Variants in PDP1 observed in about 807,000 individuals in gnomAD.
PDP1 encodes the protein pyruvate dehyrogenase phosphatase catalytic subunit 1.
PDP1 carries 14 observed loss-of-function variants against 37.1 expected under a neutral mutation model. That is an observed-to-expected ratio of 0.38 (90% CI 0.25 to 0.59). The LOEUF is 0.59. Ranked by LOEUF, PDP1 falls within the 20% of genes least tolerant of loss-of-function variation. The probability of loss-of-function intolerance (pLI) is 0.67; values close to 1 mark genes in which losing one functional copy is unlikely to be tolerated. For missense variants in PDP1, 544 were observed against 655.3 expected (o/e 0.83, Z 1.85); for synonymous variants, 251 against 243.3 (o/e 1.03, Z -0.29).
chr8:93,917,388 A>G (rs941480674), intron 1 of PDP1, among the ~76,000 whole-genome samples: 8 of 151,726 alleles, frequency 5.3e-5, no homozygotes, highest in African/African-American at 1.9e-4. Flanking sequence ...AGCTCCAGGG[A>G]GGCTGTAGGG....
Position 93,923,489 on chromosome 8 carries a change from A to G in PDP1, c.1430A>G (p.Asn477Ser). Residue 477 changes from asparagine to serine, a missense_variant, in exon 2 of 2, where the codon AAC becomes AGC. By Grantham distance (46) the Asn-to-Ser change is conservative. This residue lies in a region of PDP1 where 159 missense variants were observed against 165.5 expected (regional missense o/e 0.96). Coordinates refer to ENST00000297598, the MANE Select transcript of PDP1 (RefSeq NM_018444.4). The surrounding 1 kb of genome is among the most constrained non-coding windows in gnomAD (Gnocchi z 4.3). Reference protein sequence around the residue: ...TKMSSVFEDQNAATHLIRHAV... With the variant: ...TKMSSVFEDQSAATHLIRHAV... Reference sequence around the variant, plus strand: ...ATGTCCTCGGTATTTGAGGATCAGAACGCAGCAACCCATCTCATTCGCCAC... The same window carrying G: ...ATGTCCTCGGTATTTGAGGATCAGAGCGCAGCAACCCATCTCATTCGCCAC... 1 of 1,605,002 alleles carries G rather than the reference A, an allele frequency of 6.2e-7. No homozygotes were observed.
At position 93,923,760 on chromosome 8, in the gene PDP1, C is replaced by T. The variant is rs1212037028; in HGVS notation, c.*87C>T. ...AAGATACTACTATAATAAACATTTC[C>T]AGTTGGTCATTCTAAGCATTTACCC... On this transcript the variant is annotated 3_prime_UTR_variant, in exon 2 of 2. Transcript: ENST00000297598. This position sits in a 1 kb window ranked among gnomAD's most constrained non-coding sequence, Gnocchi z 4.3. The T allele has an allele frequency of 1.8e-6, 2 of 1,112,438 alleles. No homozygotes were observed. Among genetic ancestry groups the T allele is most frequent in the Non-Finnish European group, 2.7e-6 (2 of 727,508 alleles). 68.9% of individuals were successfully genotyped at this position (1,112,438 alleles called of 1,614,324 possible).
At position 93,917,015 on chromosome 8, in the gene PDP1, G is replaced by C. The variant is rs775128777; in HGVS notation, c.-109G>C. 2 of 478,280 alleles carry C rather than the reference G, an allele frequency of 4.2e-6. No homozygotes were observed. The highest frequency in any genetic ancestry group is 1.5e-5 in the South Asian group (1 of 66,888). The allele number at this position is 478,280 out of a possible 1,614,324, so 29.6% of individuals were successfully genotyped here. A position where few individuals can be genotyped will look rare whatever the true frequency, so the allele number is the denominator to read the frequency against. On this transcript the variant is annotated 5_prime_UTR_variant, in exon 1 of 2. Coordinates refer to ENST00000297598, the MANE Select transcript of PDP1 (RefSeq NM_018444.4). ...CACGGGGCTGCGTGGAAAGAGCGCCGAGCGGTGGCGTCGTTGTCGCCCCCT... is the reference window on the plus strand; with the variant it reads ...CACGGGGCTGCGTGGAAAGAGCGCCCAGCGGTGGCGTCGTTGTCGCCCCCT...
rs1433367159 is a variant in PDP1, at chr8:93,925,289, A to AT, written c.*1622dup. On this transcript the variant is annotated 3_prime_UTR_variant, in exon 2 of 2. Coordinates refer to ENST00000297598, the MANE Select transcript of PDP1 (RefSeq NM_018444.4). ...CTGCTCAGAATATCATATAATGTTTATTTTTTGAGGTGTTTTTGTTTTTAT... is the reference window on the plus strand; with the variant it reads ...CTGCTCAGAATATCATATAATGTTTATTTTTTTGAGGTGTTTTTGTTTTTAT... The AT allele has an allele frequency of 2.5e-5, 4 of 160,634 alleles. No homozygotes were observed. Among genetic ancestry groups the AT allele is most frequent in the African/African-American group, 1.0e-4 (4 of 39,722 alleles). 10.0% of individuals were successfully genotyped at this position (160,634 alleles called of 1,614,324 possible).
intron 1 of PDP1, chr8:93,917,992 T>G: frequency 6.2e-7 from 1 of 1,609,786 alleles, no homozygotes; most frequent in Non-Finnish European, 8.5e-7. Flanking sequence ...GGAAGGATGG[T>G]GACAGATTTT....
chr8:93,924,192 A>G lies in PDP1; in HGVS notation c.*519A>G, dbSNP rs1324566563. 5.9e-6 allele frequency: 1 copy of G among 169,028 alleles called. No individual in the cohort carries two copies. The highest frequency in any genetic ancestry group is 1.4e-5 in the Non-Finnish European group (1 of 69,494). 10.5% of individuals were successfully genotyped at this position (169,028 alleles called of 1,614,324 possible). A position where few individuals can be genotyped will look rare whatever the true frequency, so the allele number is the denominator to read the frequency against. On this transcript the variant is annotated 3_prime_UTR_variant, in exon 2 of 2. Transcript: ENST00000297598. ...TCAAATCCAGTTCTTCAAGCCATAA[A>G]TGACCAAGATCCAAGCAATCTGAAT...
chr8:93,918,053 G>T, intron 1 of PDP1: 1 of 1,278,126 alleles, frequency 7.8e-7, no homozygotes, highest in Non-Finnish European at 1.1e-6. Flanking sequence ...GGATGAGATA[G>T]ATTGGAAAAA....
intron 1 of PDP1, among the ~76,000 whole-genome samples, chr8:93,919,357 A>G (rs1297994703): frequency 6.6e-6 from 1 of 152,176 alleles, no homozygotes; most frequent in Non-Finnish European, 1.5e-5. Context: ...GTGAAACCCC[A>G]TCTCTACTGA....
rs767674134 is a variant in PDP1 at position 93,923,326 on chromosome 8, A to G, written c.1267A>G (p.Thr423Ala). 2.6e-5 allele frequency: 42 copies of G among 1,614,130 alleles called. No individual in the cohort carries two copies. The highest frequency in any genetic ancestry group is 3.5e-5 in the Non-Finnish European group (41 of 1,180,008). The change falls in exon 2 of 2, where the codon ACT becomes GCT. Residue 423 changes from threonine to alanine, a missense_variant. Physicochemically the swap from Thr to Ala is moderately conservative, Grantham distance 58. Coordinates refer to ENST00000297598, the MANE Select transcript of PDP1 (RefSeq NM_018444.4). The surrounding 1 kb of genome is among the most constrained non-coding windows in gnomAD (Gnocchi z 4.3). ...GTTGGCTACTGATGGGTTGTGGGAG[A>G]CTATGCATAGGCAGGATGTGGTTAG... ...LVLATDGLWE[T>A]MHRQDVVRIV...
In PDP1 at chr8:93,917,979, C is replaced by T. The variant is rs1458729483; in HGVS notation, c.-45+900C>T. 4.3e-6 allele frequency: 7 copies of T among 1,612,084 alleles called. No individual in the cohort carries two copies. In the South Asian group the frequency reaches 7.7e-5, roughly 18 times the overall value. ...TCACTTAACTACCTGCGTTGGGTAC[C>T]CAGGAAGGATGGTGACAGATTTTTG... On this transcript the variant is annotated intron_variant, in intron 1 of 1. Transcript: ENST00000297598.
At position 93,916,927 on chromosome 8, in the gene PDP1, G is replaced by A. The variant is rs1039498506; in HGVS notation, c.-197G>A. On this transcript the variant is annotated 5_prime_UTR_variant, in exon 1 of 2. Coordinates refer to ENST00000297598, the MANE Select transcript of PDP1 (RefSeq NM_018444.4). ...AACGTGCGGGCGGGGCAGGGTGGCG[G>A]CCCCGCACGGTAGGGGAGCAGAGTG... 1.4e-5 allele frequency: 5 copies of A among 359,190 alleles called. No individual in the cohort carries two copies. Among genetic ancestry groups the A allele is most frequent in the African/African-American group, 4.5e-5 (2 of 44,630 alleles). 22.3% of individuals were successfully genotyped at this position (359,190 alleles called of 1,614,324 possible). A position where few individuals can be genotyped will look rare whatever the true frequency, so the allele number is the denominator to read the frequency against.
chr8:93,917,913 G>A (rs1468515662), intron 1 of PDP1: 2 of 1,614,016 alleles, frequency 1.2e-6, no homozygotes, highest in East Asian at 2.2e-5. Context: ...GATGACAGGA[G>A]AATGTGTGTG....
Position 93,923,031 on chromosome 8 carries a change from G to C in PDP1, c.972G>C (p.Arg324=), listed in dbSNP as rs1405922286. 2.5e-6 allele frequency: 4 copies of C among 1,614,042 alleles called. No individual in the cohort carries two copies. The highest frequency in any genetic ancestry group is 3.4e-6 in the Non-Finnish European group (4 of 1,180,042). ...HNAQNERELE[R]LKLEHPKSEA... is the part of the protein sequence containing the mutation. ...CTCAAAATGAAAGAGAACTAGAACGGCTGAAATTGGAACATCCAAAGAGTG... is the reference window on the plus strand; with the variant it reads ...CTCAAAATGAAAGAGAACTAGAACGCCTGAAATTGGAACATCCAAAGAGTG... Residue 324 remains arginine, a synonymous_variant, in exon 2 of 2, where the codon CGG becomes CGC. Coordinates refer to ENST00000297598, the MANE Select transcript of PDP1 (RefSeq NM_018444.4). The surrounding 1 kb of genome is among the most constrained non-coding windows in gnomAD (Gnocchi z 4.3).
chr8:93,920,052 T>TA (rs2130374213), intron 1 of PDP1: 1 of 152,364 alleles, frequency 6.6e-6, no homozygotes, highest in Admixed American at 6.5e-5. Flanking sequence ...TACGGATTCT[T>TA]ATTTCCAAAA....
chr8:93,916,946 C>T lies in PDP1; in HGVS notation c.-178C>T, dbSNP rs748591846. The T allele has an allele frequency of 7.0e-6, 3 of 426,628 alleles. No homozygotes were observed. Among genetic ancestry groups the T allele is most frequent in the South Asian group, 1.7e-5 (1 of 59,460 alleles). 26.4% of individuals were successfully genotyped at this position (426,628 alleles called of 1,614,324 possible). A position where few individuals can be genotyped will look rare whatever the true frequency, so the allele number is the denominator to read the frequency against. ...GTGGCGGCCCCGCACGGTAGGGGAG[C>T]AGAGTGGGCAGGCCGGGGGTGAGGG... is the stretch of plus-strand genomic sequence containing the variant. On this transcript the variant is annotated 5_prime_UTR_variant, in exon 1 of 2. Coordinates refer to ENST00000297598, the MANE Select transcript of PDP1 (RefSeq NM_018444.4).
chr8:93,918,770 C>T (rs1810167642), intron 1 of PDP1: 1 of 152,162 alleles, frequency 6.6e-6, no homozygotes, highest in Non-Finnish European at 1.5e-5. Context: ...AGAGTGTTTT[C>T]TTGTTGTTGA....
At chr8:93,921,928 T>G (rs1810284342) in intron 1 of PDP1, 88 bp from the exon 2 acceptor site, 1 of 902,990 alleles carries the variant, frequency 1.1e-6, no homozygotes, top group Non-Finnish European at 1.7e-6. Context: ...ATTGACTTGC[T>G]TAATATTTGT....
chr8:93,920,048 T>A (rs571007476), intron 1 of PDP1: 26 of 152,366 alleles, frequency 1.7e-4, no homozygotes, highest in African/African-American at 5.5e-4. Flanking sequence ...TAGTTACGGA[T>A]TCTTATTTCC....
chr8:93,917,955 C>A (rs2130857287), intron 1 of PDP1: 3 of 1,613,794 alleles, frequency 1.9e-6, no homozygotes, highest in Non-Finnish European at 2.5e-6. Flanking sequence ...GGTAGGTATT[C>A]ACTTAACTAC....
Sources: gnomAD v4.1 joint callset for allele counts (sites outside exome capture counted in the v4.1 genomes callset) on GRCh38, gnomAD v4.1.1 for gene constraint, gnomAD v4.1.1 regional missense constraint, Gnocchi (gnomAD v3.1) non-coding constraint, MANE v1.5 for transcripts, NCBI Gene and HGNC (gene_info 2026-07-23, HGNC 2026-07-21) for gene names.